Variants in ERC2 observed in about 807,000 individuals in gnomAD.
ERC2 encodes the protein ERC protein 2.
Under a neutral mutation model 114.8 loss-of-function variants are expected in ERC2, and 42 were observed. The ratio of observed to expected loss-of-function variants is 0.37; its 90% confidence interval spans 0.29 to 0.47. The LOEUF (loss-of-function observed/expected upper bound fraction) is 0.47, where lower values mean the gene tolerates loss of function less well. ERC2 is among the 20% of genes least tolerant of loss of function. The pLI is 0.99. For missense variants in ERC2, 939 were observed against 1,150.7 expected (o/e 0.82, Z 2.66); for synonymous variants, 454 against 425.5 (o/e 1.07, Z -0.82).
chr3:56,269,765 A>T (rs1215735451), intron 3 of ERC2, among the ~76,000 whole-genome samples: 1 of 152,206 alleles, frequency 6.6e-6, no homozygotes, highest in Non-Finnish European at 1.5e-5. Flanking sequence ...CAATCTGCTC[A>T]GAACGGTCTA....
intron 13 of ERC2, among the ~76,000 whole-genome samples, chr3:55,889,230 T>G (rs894402825): frequency 2.0e-5 from 3 of 152,190 alleles, no homozygotes; most frequent in Non-Finnish European, 4.4e-5. Flanking sequence ...CAGTCACGTT[T>G]TAACCTATCA....
chr3:55,754,008 A>T (rs1191271716), intron 14 of ERC2, among the ~76,000 whole-genome samples: 1 of 152,186 alleles, frequency 6.6e-6, no homozygotes, highest in Non-Finnish European at 1.5e-5. Flanking sequence ...ATATAAGATA[A>T]ATATGTAAAC....
At chr3:55,902,223 CAT>C (rs1005275987) in intron 13 of ERC2, among the ~76,000 whole-genome samples, 31 of 152,170 alleles carry the variant, frequency 2.0e-4, no homozygotes, top group African/African-American at 7.2e-4. Flanking sequence ...AAAAACCAGA[CAT>C]AACGTGCCAG....
chr3:55,550,879 G>A (rs1463786883), intron 17 of ERC2, among the ~76,000 whole-genome samples: 14 of 151,932 alleles, frequency 9.2e-5, no homozygotes, highest in Admixed American at 2.0e-4. Context: ...AGCCGGGCGT[G>A]GTGGTGGGTG....
chr3:55,939,425 A>G lies in ERC2; in HGVS notation c.2403+11000T>C, dbSNP rs147361689. Among the ~76,000 whole-genome samples, 962 of 152,366 alleles carry G rather than the reference A, an allele frequency of 6.3e-3. 10 individuals carry two copies. Among genetic ancestry groups the G allele is most frequent in the African/African-American group, 0.022 (903 of 41,586 alleles). On this transcript the variant is annotated intron_variant, in intron 13 of 17. Coordinates refer to ENST00000288221, the MANE Select transcript of ERC2 (RefSeq NM_015576.3). Reference sequence around the variant, plus strand: ...GGGCTCCCTTTGTCAAGTGATTTAGAGAAATTCTGGATTGAAGAATATCAA... The same window carrying G: ...GGGCTCCCTTTGTCAAGTGATTTAGGGAAATTCTGGATTGAAGAATATCAA...
chr3:55,554,070 A>G (rs2055422109), intron 17 of ERC2, among the ~76,000 whole-genome samples: 1 of 152,224 alleles, frequency 6.6e-6, no homozygotes, highest in African/African-American at 2.4e-5. Context: ...AATGTCTTTT[A>G]TGAAGTATCT....
intron 2 of ERC2, among the ~76,000 whole-genome samples, chr3:56,318,598 A>AT (rs2056978665): frequency 6.6e-6 from 1 of 152,122 alleles, no homozygotes. Flanking sequence ...AGCAAAAAAA[A>AT]AAAGACAACC....
At chr3:56,333,269 C>T (rs1306889313) in intron 2 of ERC2, among the ~76,000 whole-genome samples, 7 of 152,206 alleles carry the variant, frequency 4.6e-5, no homozygotes, top group Non-Finnish European at 1.5e-5. Flanking sequence ...TCCTTTTGAT[C>T]TCACAAGTCC....
intron 14 of ERC2, among the ~76,000 whole-genome samples, chr3:55,881,951 GAAT>G (rs534182314): frequency 7.9e-5 from 12 of 152,278 alleles, no homozygotes; most frequent in African/African-American, 2.6e-4. Context: ...TCCAGCAGAG[GAAT>G]AATAACTGGC....
intron 14 of ERC2, among the ~76,000 whole-genome samples, chr3:55,743,593 CAAA>C (rs367859231): frequency 3.1e-5 from 3 of 97,200 alleles, no homozygotes; most frequent in Admixed American, 1.3e-4. Context: ...CCTGATCCAC[CAAA>C]AAAAAAAAAA....
At chr3:56,391,210 C>T (rs2060116663) in intron 2 of ERC2, among the ~76,000 whole-genome samples, 1 of 152,184 alleles carries the variant, frequency 6.6e-6, no homozygotes, top group African/African-American at 2.4e-5. Context: ...TTATTCTCCA[C>T]TGAAAGACTG....
intron 14 of ERC2, among the ~76,000 whole-genome samples, chr3:55,743,493 G>C (rs2066099489): frequency 6.9e-6 from 1 of 144,042 alleles, no homozygotes; most frequent in African/African-American, 2.6e-5. Context: ...TCCTTCTAGA[G>C]AATTGATAAA....
intron 3 of ERC2, among the ~76,000 whole-genome samples, chr3:56,261,496 C>T (rs2052927020): frequency 6.6e-6 from 1 of 152,134 alleles, no homozygotes; most frequent in South Asian, 2.1e-4. Flanking sequence ...CTCCTACACC[C>T]CAGCCATTAA....
At chr3:56,069,796 T>G (rs769890158) in intron 7 of ERC2, among the ~76,000 whole-genome samples, 9 of 152,348 alleles carry the variant, frequency 5.9e-5, no homozygotes, top group African/African-American at 2.2e-4. Context: ...AAAAATGTTA[T>G]GACAAAGGCT....
At chr3:56,043,445 G>A (rs1250938531) in intron 7 of ERC2, among the ~76,000 whole-genome samples, 3 of 151,906 alleles carry the variant, frequency 2.0e-5, no homozygotes, top group African/African-American at 7.3e-5. Context: ...CCTTTCATTT[G>A]TAATGGACTT....
chr3:56,117,752 T>C lies in ERC2; in HGVS notation c.1473+21757A>G, dbSNP rs78845397. ...CACTAAATACACAAGAAAAATCACA[T>C]TCGATGAGCACCTGCTCTGTAAAAG... On this transcript the variant is annotated intron_variant, in intron 6 of 17. Transcript: ENST00000288221. Among the ~76,000 whole-genome samples, 762 of 152,214 alleles carry C rather than the reference T, an allele frequency of 5.0e-3. 7 individuals carry two copies. The highest frequency in any genetic ancestry group is 0.017 in the African/African-American group (715 of 41,512).
intron 10 of ERC2, among the ~76,000 whole-genome samples, chr3:55,999,590 A>G (rs2071871078): frequency 6.6e-6 from 1 of 151,964 alleles, no homozygotes; most frequent in South Asian, 2.1e-4. Context: ...TTTCCTAGCT[A>G]TGATAACTGA....
intron 16 of ERC2, among the ~76,000 whole-genome samples, chr3:55,684,739 C>T (rs1326898763): frequency 6.6e-6 from 1 of 152,156 alleles, no homozygotes; most frequent in Non-Finnish European, 1.5e-5. Flanking sequence ...TCTTTGAAGA[C>T]AGAAGTATAT....
chr3:56,113,566 T>C (rs1307101652), intron 6 of ERC2, among the ~76,000 whole-genome samples: 1 of 152,208 alleles, frequency 6.6e-6, no homozygotes. Context: ...ACTCTTTCTA[T>C]ACTCACAATA....
Sources: allele counts gnomAD v4.1 joint callset (sites outside exome capture counted in the v4.1 genomes callset), GRCh38; gene constraint gnomAD v4.1.1; transcripts MANE v1.5; gene names NCBI Gene and HGNC (gene_info 2026-07-23, HGNC 2026-07-21).